The following BICC1 variants were observed in gnomAD, a reference collection of about 807,000 sequenced individuals.
BICC1 encodes BicC family RNA binding protein 1, also known as protein bicaudal C homolog 1.
A neutral mutation model predicts 111.0 loss-of-function variants in BICC1; 43 were observed. The ratio of observed to expected loss-of-function variants is 0.39; its 90% CI spans 0.30 to 0.50. The LOEUF (loss-of-function observed/expected upper bound fraction) is 0.50, where lower values mean the gene tolerates loss of function less well. Ranked by LOEUF, BICC1 falls within the 20% of genes least tolerant of loss-of-function variation. The pLI is 0.88. For missense variants in BICC1, 1,091 were observed against 1,203.2 expected (o/e 0.91, Z 1.38); for synonymous variants, 467 against 434.4 (o/e 1.07, Z -0.93).
intron 1 of BICC1, among the ~76,000 whole-genome samples, chr10:58,619,357 C>T (rs1333051968): frequency 6.6e-6 from 1 of 151,966 alleles, no homozygotes; most frequent in African/African-American, 2.4e-5. Context: ...GTAAAAAATA[C>T]ACATTTCTAT....
At chr10:58,554,571 G>A (rs1843390079) in intron 1 of BICC1, among the ~76,000 whole-genome samples, 1 of 151,986 alleles carries the variant, frequency 6.6e-6, no homozygotes, top group African/African-American at 2.4e-5. Context: ...TGTAAGTCAG[G>A]AGCAGTGGTT....
chr10:58,779,008 T>C (rs1402290879), intron 3 of BICC1, among the ~76,000 whole-genome samples: 2 of 152,176 alleles, frequency 1.3e-5, no homozygotes, highest in African/African-American at 4.8e-5. Context: ...TCAGTTCAGG[T>C]GTTCTCCATC....
intron 2 of BICC1, among the ~76,000 whole-genome samples, chr10:58,660,872 A>G (rs1194738313): frequency 6.6e-6 from 1 of 152,212 alleles, no homozygotes; most frequent in Non-Finnish European, 1.5e-5. Flanking sequence ...TACACACATT[A>G]TGTCTCTTTA....
At position 58,593,234 on chromosome 10, in the gene BICC1, G is replaced by A. The variant is rs755690672; in HGVS notation, c.191-27621G>A. On this transcript the variant is annotated intron_variant, in intron 1 of 20. Transcript: ENST00000373886. ...GGGCATCTCTGAAAAAAAGGAAGCA[G>A]CCCAGGTCAGGAACTTACAGATAAA... 3.3e-5 allele frequency among the ~76,000 whole-genome samples: 5 copies of A among 152,132 alleles called. No individual in the cohort carries two copies. In the East Asian group the frequency reaches 7.8e-4, roughly 24 times the overall value.
chr10:58,517,404 G>A (rs1842270220), intron 1 of BICC1, among the ~76,000 whole-genome samples: 1 of 152,168 alleles, frequency 6.6e-6, no homozygotes, highest in Non-Finnish European at 1.5e-5. Context: ...CAGCAACTAT[G>A]TTATCTCTTT....
At chr10:58,759,094 G>A (rs1313501657) in intron 3 of BICC1, among the ~76,000 whole-genome samples, 1 of 151,902 alleles carries the variant, frequency 6.6e-6, no homozygotes. Context: ...TGAGTAGCTG[G>A]GATTACAGGT....
intron 3 of BICC1, among the ~76,000 whole-genome samples, chr10:58,768,474 A>T (rs1842519710): frequency 1.3e-5 from 2 of 152,194 alleles, no homozygotes; most frequent in South Asian, 4.1e-4. Context: ...GTTCAAGCTG[A>T]AATGAAAAGA....
intron 2 of BICC1, among the ~76,000 whole-genome samples, chr10:58,676,271 C>A (rs1564547037): frequency 6.6e-6 from 1 of 152,140 alleles, no homozygotes; most frequent in Non-Finnish European, 1.5e-5. Context: ...TCCAGTGAGA[C>A]AGAACTGTTC....
rs572210116 is a variant in BICC1, at chr10:58,763,659, A to G, written c.308-21342A>G. Among the ~76,000 whole-genome samples the G allele has an allele frequency of 4.6e-5, 7 of 152,238 alleles. No homozygotes were observed. In the South Asian group the frequency reaches 1.5e-3, roughly 32 times the overall value. Reference sequence around the variant, plus strand: ...TGTTAACCTTTGGATTGCTTTTTCTACAGTGTTCTTTCTTAAACTGTGGAG... The same window carrying G: ...TGTTAACCTTTGGATTGCTTTTTCTGCAGTGTTCTTTCTTAAACTGTGGAG... On this transcript the variant is annotated intron_variant, in intron 3 of 20. Transcript: ENST00000373886.
At chr10:58,526,744 C>A (rs1842553913) in intron 1 of BICC1, among the ~76,000 whole-genome samples, 1 of 152,050 alleles carries the variant, frequency 6.6e-6, no homozygotes, top group Admixed American at 6.6e-5. Context: ...CATGCCCTAC[C>A]AAGGACATGA....
chr10:58,725,580 G>T (rs1166014345), intron 3 of BICC1, among the ~76,000 whole-genome samples: 3 of 152,146 alleles, frequency 2.0e-5, no homozygotes, highest in Admixed American at 6.6e-5. Flanking sequence ...GCAGAAATGT[G>T]TATTTTTGTA....
chr10:58,535,479 TAA>T (rs1191444748), intron 1 of BICC1, among the ~76,000 whole-genome samples: 1 of 151,702 alleles, frequency 6.6e-6, no homozygotes, highest in Non-Finnish European at 1.5e-5. Context: ...CCAGCAAAAC[TAA>T]GTTTCATAAA....
At chr10:58,594,087 A>G (rs2132048863) in intron 1 of BICC1, among the ~76,000 whole-genome samples, 1 of 151,936 alleles carries the variant, frequency 6.6e-6, no homozygotes, top group South Asian at 2.1e-4. Context: ...ATACACAAGT[A>G]TCAGTAGCCG....
At chr10:58,684,581 A>G (rs919723003) in intron 2 of BICC1, among the ~76,000 whole-genome samples, 5 of 152,094 alleles carry the variant, frequency 3.3e-5, no homozygotes, top group Non-Finnish European at 2.9e-5. Context: ...CAGAGATTCA[A>G]CTTCTTCCTG....
intron 1 of BICC1, among the ~76,000 whole-genome samples, chr10:58,554,705 T>C (rs1050625790): frequency 6.6e-6 from 1 of 152,016 alleles, no homozygotes; most frequent in African/African-American, 2.4e-5. Flanking sequence ...ACATTCATTA[T>C]GGCTAAAAGG....
chr10:58,770,715 C>T (rs190537128), intron 3 of BICC1, among the ~76,000 whole-genome samples: 2 of 152,048 alleles, frequency 1.3e-5, no homozygotes, highest in Non-Finnish European at 2.9e-5. Context: ...GAATACAAGG[C>T]TGAACACCAG....
At chr10:58,827,469 G>C (rs765070384) in intron 20 of BICC1, among the ~76,000 whole-genome samples, 1 of 152,166 alleles carries the variant, frequency 6.6e-6, no homozygotes, top group Non-Finnish European at 1.5e-5. Flanking sequence ...AAGGTAAAGG[G>C]TGAGTGAGGG....
chr10:58,709,275 C>G (rs908288388), intron 3 of BICC1, among the ~76,000 whole-genome samples: 2 of 152,182 alleles, frequency 1.3e-5, no homozygotes, highest in Non-Finnish European at 2.9e-5. Context: ...TCTGTGAGAT[C>G]AACTTTTTTC....
At chr10:58,820,279 A>G in intron 19 of BICC1, 90 bp from the exon 20 acceptor site, 1 of 822,360 alleles carries the variant, frequency 1.2e-6, no homozygotes. Flanking sequence ...AGCATAATTA[A>G]TAAATAAGTG....
Sources: gnomAD v4.1 joint callset for allele counts (sites outside exome capture counted in the v4.1 genomes callset) on GRCh38, gnomAD v4.1.1 for gene constraint, MANE v1.5 for transcripts, NCBI Gene and HGNC (gene_info 2026-07-23, HGNC 2026-07-21) for gene names.